CNN3: variants seen among roughly 807,000 people sequenced by gnomAD.
The protein encoded by CNN3 is calponin-3.
Under a neutral mutation model 39.0 loss-of-function variants are expected in CNN3, and 11 were observed. That is an observed-to-expected ratio of 0.28 (90% CI 0.18 to 0.47). The LOEUF is 0.47. CNN3 is among the 20% of genes least tolerant of loss of function. The pLI is 0.99. For missense variants in CNN3, 266 were observed against 403.4 expected, an observed-to-expected ratio of 0.66 and a Z score of 2.92; for synonymous variants, 101 against 138.3, an observed-to-expected ratio of 0.73 and a Z score of 1.89.
chr1:94,908,843 T>G (rs889765010), intron 1 of CNN3, among the ~76,000 whole-genome samples: 10 of 151,720 alleles, frequency 6.6e-5, no homozygotes, highest in Non-Finnish European at 1.2e-4. Context: ...AATAATAATT[T>G]TTTTAAAAAA....
chr1:94,921,145 G>A (rs904116141), intron 1 of CNN3, among the ~76,000 whole-genome samples: 3 of 152,198 alleles, frequency 2.0e-5, no homozygotes, highest in Non-Finnish European at 4.4e-5. Context: ...TGTAATCCCA[G>A]CTCTTTGGGA....
intron 3 of CNN3, 46 bp from the exon 4 acceptor site, chr1:94,902,304 A>G: frequency 2.6e-6 from 4 of 1,531,630 alleles, no homozygotes; most frequent in Non-Finnish European, 3.6e-6. Context: ...AAATATTGAC[A>G]TTCATAATTT....
chr1:94,903,390 G>A lies in CNN3; in HGVS notation c.179+13C>T. On this transcript the variant is annotated intron_variant, in intron 2 of 6. Transcript: ENST00000370206. ...GGAAGAGCAGAAACAGATTCTGGAG[G>A]GCTGTAACTCACTCGCAGAGGATGA... 6.4e-7 allele frequency: 1 copy of A among 1,570,402 alleles called. No individual in the cohort carries two copies. The highest frequency in any genetic ancestry group is 8.6e-7 in the Non-Finnish European group (1 of 1,160,702).
intron 1 of CNN3, among the ~76,000 whole-genome samples, chr1:94,907,640 C>T (rs973453120): frequency 1.3e-5 from 2 of 152,302 alleles, no homozygotes; most frequent in South Asian, 2.1e-4. Context: ...GTGGGCAGAT[C>T]GTGAGGTCAG....
chr1:94,901,964 G>C (rs928610180), intron 4 of CNN3, 157 bp downstream of exon 4: 1 of 733,004 alleles, frequency 1.4e-6, no homozygotes. Context: ...TATCTAGTAC[G>C]ATGCAGCTGA....
In CNN3 at chr1:94,926,796, G is replaced by A; in HGVS notation, c.57+42C>T. 6.3e-7 allele frequency: 1 copy of A among 1,594,844 alleles called. No individual in the cohort carries two copies. The highest frequency in any genetic ancestry group is 8.5e-7 in the Non-Finnish European group (1 of 1,169,644). ...ACGGCCCAGCGCCAGGCCAGCCCAA[G>A]GGTGCCCCGGGGGCCCCCGCGCCCG... On this transcript the variant is annotated intron_variant, in intron 1 of 6. Transcript: ENST00000370206. The surrounding 1 kb of genome is among the most constrained non-coding windows in gnomAD (Gnocchi z 4.2).
At chr1:94,915,752 C>T (rs906391133) in intron 1 of CNN3, among the ~76,000 whole-genome samples, 5 of 152,200 alleles carry the variant, frequency 3.3e-5, no homozygotes, top group Non-Finnish European at 5.9e-5. Context: ...ATCAGCAGTG[C>T]GCTCACAGGG....
At chr1:94,911,880 G>A (rs928401067) in intron 1 of CNN3, among the ~76,000 whole-genome samples, 1 of 151,998 alleles carries the variant, frequency 6.6e-6, no homozygotes, top group Non-Finnish European at 1.5e-5. Flanking sequence ...GCTCAACTTC[G>A]CTAACATGGT....
At chr1:94,903,096 C>T in intron 3 of CNN3, 26 bp downstream of exon 3, 2 of 1,508,950 alleles carry the variant, frequency 1.3e-6, no homozygotes, top group Non-Finnish European at 1.8e-6. Context: ...CCAACTAGAA[C>T]CAGAGGTGGT....
intron 1 of CNN3, among the ~76,000 whole-genome samples, chr1:94,918,649 T>C (rs1671356126): frequency 6.6e-6 from 1 of 151,976 alleles, no homozygotes; most frequent in Non-Finnish European, 1.5e-5. Context: ...ATCCCAACAC[T>C]TTGGGAAGCT....
At position 94,899,448 on chromosome 1, in the gene CNN3, G is replaced by A. The variant is rs1285279827; in HGVS notation, c.571C>T (p.Pro191Ser). The change falls in exon 6 of 7, where the codon CCC becomes TCC. Residue 191 changes from proline (P) to serine (S), a missense_variant. Physicochemically the swap from Pro to Ser is moderately conservative, Grantham distance 74 (BLOSUM62 -1). Transcript: ENST00000370206. ...AYGTRRHLYD[P>S]KMQTDKPFDQ... ...AAAGGTTTGTCAGTTTGCATTTTGG[G>A]ATCATAAAGATGCCTCCTAGTCCCG... 1 of 1,613,990 alleles carries A rather than the reference G, an allele frequency of 6.2e-7. No homozygotes were observed. The highest frequency in any genetic ancestry group is 1.7e-5 in the Admixed American group (1 of 60,000).
intron 1 of CNN3, among the ~76,000 whole-genome samples, chr1:94,904,778 G>A (rs1411699264): frequency 1.3e-5 from 2 of 151,834 alleles, no homozygotes; most frequent in Non-Finnish European, 2.9e-5. Flanking sequence ...ACCCACAGCT[G>A]GGAAGAAGGA....
intron 1 of CNN3, among the ~76,000 whole-genome samples, chr1:94,917,433 G>A (rs571406938): frequency 2.0e-5 from 3 of 152,336 alleles, no homozygotes; most frequent in South Asian, 2.1e-4. Flanking sequence ...TGCTGGGGAC[G>A]AGGGATGGAG....
In CNN3 at chr1:94,912,374, G is replaced by A. The variant is rs372099836; in HGVS notation, c.58-8850C>T. On this transcript the variant is annotated intron_variant, in intron 1 of 6. Coordinates refer to ENST00000370206, the MANE Select transcript of CNN3 (RefSeq NM_001839.5). ...CACTGTGAGAGAAGCCTTGGCAAAC[G>A]GTAGTAACTAGAACCTAGAGAGAAG... Among the ~76,000 whole-genome samples, 15 of 152,294 alleles carry A rather than the reference G, an allele frequency of 9.8e-5. No individual in the cohort carries two copies. In the South Asian group the frequency reaches 1.9e-3, roughly 19 times the overall value.
chr1:94,926,717 C>A lies in CNN3; in HGVS notation c.57+121G>T. ...ACAGGCAGAGACGCTCGCGCCGCCT[C>A]GACGGCCCCTCTCCAGGAAAACGGT... On this transcript the variant is annotated intron_variant, in intron 1 of 6. Coordinates refer to ENST00000370206, the MANE Select transcript of CNN3 (RefSeq NM_001839.5). This position sits in a 1 kb window ranked among gnomAD's most constrained non-coding sequence, Gnocchi z 4.2. 4.4e-6 allele frequency: 5 copies of A among 1,146,268 alleles called. No homozygotes were observed. The South Asian group carries it at 6.8e-5, about 16-fold the overall frequency. The allele number at this position is 1,146,268 out of a possible 1,614,324, so 71.0% of individuals were successfully genotyped here.
At chr1:94,919,166 A>G (rs1156746231) in intron 1 of CNN3, among the ~76,000 whole-genome samples, 2 of 152,202 alleles carry the variant, frequency 1.3e-5, no homozygotes, top group Non-Finnish European at 2.9e-5. Context: ...TTTAAAAAAT[A>G]CAACATCCAA....
At chr1:94,901,844 C>T in intron 4 of CNN3, 59 bp from the exon 5 acceptor site, 1 of 1,240,178 alleles carries the variant, frequency 8.1e-7, no homozygotes, top group Non-Finnish European at 1.2e-6. Context: ...GAAGGAACAA[C>T]AAAGAAATGA....
At chr1:94,923,160 C>T (rs901282206) in intron 1 of CNN3, among the ~76,000 whole-genome samples, 2 of 152,190 alleles carry the variant, frequency 1.3e-5, no homozygotes, top group African/African-American at 4.8e-5. Context: ...GGGAAACTAC[C>T]CCCAACTCCA....
intron 1 of CNN3, among the ~76,000 whole-genome samples, chr1:94,916,301 G>A (rs538705195): frequency 3.3e-5 from 5 of 152,260 alleles, no homozygotes; most frequent in African/African-American, 1.2e-4. Flanking sequence ...AGCTACTCGG[G>A]AGGCTGAGGC....
Sources: allele counts gnomAD v4.1 joint callset (sites outside exome capture counted in the v4.1 genomes callset), GRCh38; gene constraint gnomAD v4.1.1; non-coding constraint Gnocchi (gnomAD v3.1); transcripts MANE v1.5; gene names NCBI Gene and HGNC (gene_info 2026-07-23, HGNC 2026-07-21).